Variants in CARM1 observed in about 807,000 individuals in gnomAD.
CARM1 encodes the protein histone-arginine methyltransferase CARM1.
CARM1 carries 14 observed loss-of-function variants against 72.7 expected under a neutral mutation model. The observed-to-expected ratio is 0.19, with a 90% CI of 0.13 to 0.30. CARM1 has a LOEUF of 0.30. Ranked by LOEUF, CARM1 falls within the 10% of genes least tolerant of loss-of-function variation. The pLI, the probability that CARM1 is intolerant of heterozygous loss-of-function variation, is 1.00. For synonymous variants in CARM1, 333 were observed against 345.5 expected, an observed-to-expected ratio of 0.96 and a Z score of 0.40; for missense variants, 432 against 833.7, an observed-to-expected ratio of 0.52 and a Z score of 5.93.
At position 10,904,935 on chromosome 19, in the gene CARM1, C is replaced by T. The variant is rs1020537361; in HGVS notation, c.221-16C>T. ...ACAGGGCTGCACCGCTCACGCCAGC[C>T]TGTCTTCTCTCGTAGATGAAGATGT... On this transcript the variant is annotated splice_polypyrimidine_tract_variant and intron_variant, in intron 1 of 15. Transcript: ENST00000327064. 8.1e-6 allele frequency: 13 copies of T among 1,613,508 alleles called. No homozygotes were observed. The highest frequency in any genetic ancestry group is 1.1e-5 in the Non-Finnish European group (13 of 1,179,580).
At chr19:10,891,467 A>C (rs939384208) in intron 1 of CARM1, among the ~76,000 whole-genome samples, 1 of 152,034 alleles carries the variant, frequency 6.6e-6, no homozygotes, top group Non-Finnish European at 1.5e-5. Flanking sequence ...ACACCCACTG[A>C]GGGCCGTGGG....
In CARM1 at chr19:10,875,717, C is replaced by G. The variant is rs189361890; in HGVS notation, c.220+3795C>G. ...GGGATTACAGGCTTGAGCCACCGTG[C>G]CCGGCCCCAGCTGTTCTTTTCTTAT... is the stretch of plus-strand genomic sequence containing the variant. On this transcript the variant is annotated intron_variant, in intron 1 of 15. Transcript: ENST00000327064. Among the ~76,000 whole-genome samples, 575 of 151,310 alleles carry G rather than the reference C, an allele frequency of 3.8e-3. 3 individuals carry two copies. The highest frequency in any genetic ancestry group is 0.013 in the African/African-American group (525 of 41,214).
intron 1 of CARM1, among the ~76,000 whole-genome samples, chr19:10,886,056 C>CTTT (rs899009522): frequency 7.3e-6 from 1 of 136,502 alleles, no homozygotes; most frequent in Admixed American, 7.4e-5. Flanking sequence ...TTCTTTCTTT[C>CTTT]TTTTTTTTTT....
intron 1 of CARM1, among the ~76,000 whole-genome samples, chr19:10,880,905 T>G (rs1438781254): frequency 6.7e-6 from 1 of 148,730 alleles, no homozygotes; most frequent in Middle Eastern, 3.2e-3. Context: ...GGCTCATGCC[T>G]GTAATCCCAG....
chr19:10,918,111 T>C (rs544771606), intron 8 of CARM1, among the ~76,000 whole-genome samples: 3 of 152,200 alleles, frequency 2.0e-5, no homozygotes, highest in Admixed American at 6.5e-5. Context: ...TGAGGGTGCC[T>C]TGGAAGAGGC....
intron 1 of CARM1, among the ~76,000 whole-genome samples, chr19:10,885,817 TCA>T (rs956794588): frequency 2.0e-4 from 30 of 150,666 alleles, no homozygotes; most frequent in South Asian, 4.2e-4. Context: ...TTACTCCCGC[TCA>T]CACACTCCAA....
chr19:10,876,983 G>A (rs2073869441), intron 1 of CARM1, among the ~76,000 whole-genome samples: 1 of 152,228 alleles, frequency 6.6e-6, no homozygotes, highest in Non-Finnish European at 1.5e-5. Context: ...GCTCCGTCAG[G>A]GGCTAAACTT....
intron 4 of CARM1, among the ~76,000 whole-genome samples, chr19:10,911,366 C>CACAA (rs1599705831): frequency 6.6e-6 from 1 of 152,168 alleles, no homozygotes; most frequent in African/African-American, 2.4e-5. Flanking sequence ...GTTGTCTTGA[C>CACAA]ACAAGAGTGT....
rs1184781686 is a variant in CARM1, at chr19:10,871,589, AGCGGCGGCGGCG to A, written c.-75_-64del. On this transcript the variant is annotated 5_prime_UTR_variant, in exon 1 of 16. Transcript: ENST00000327064. This position sits in a 1 kb window ranked among gnomAD's most constrained non-coding sequence, Gnocchi z 5.6. The stretch of plus-strand genomic sequence containing the variant: ...CGGCGGCTGCGGCGGCGGTAGCGGC[AGCGGCGGCGGCG>A]GCGGCGGCGGCGGCGGCGGCGGCGG... 0.019 allele frequency: 2,200 copies of A among 117,070 alleles called. 50 individuals are homozygous for A. The highest frequency in any genetic ancestry group is 0.047 in the African/African-American group (1,416 of 29,938). The allele number at this position is 117,070 out of a possible 1,614,324, so 7.3% of individuals were successfully genotyped here. A position where few individuals can be genotyped will look rare whatever the true frequency, so the allele number is the denominator to read the frequency against.
chr19:10,921,046 A>G lies in CARM1; in HGVS notation c.1538-4A>G. 2 of 1,614,052 alleles carry G rather than the reference A, an allele frequency of 1.2e-6. No homozygotes were observed. The highest frequency in any genetic ancestry group is 1.7e-6 in the Non-Finnish European group (2 of 1,179,920). On this transcript the variant is annotated splice_region_variant and splice_polypyrimidine_tract_variant and intron_variant, in intron 13 of 15. Coordinates refer to ENST00000327064, the MANE Select transcript of CARM1 (RefSeq NM_199141.2). ...AGCCCTGACGTCTCCCTCTCTGGAC[A>G]CAGGGATGCCGACCGCCTATGACTT... is the stretch of plus-strand genomic sequence containing the variant.
intron 8 of CARM1, among the ~76,000 whole-genome samples, chr19:10,918,077 T>A (rs1030117303): frequency 1.3e-5 from 2 of 152,138 alleles, no homozygotes; most frequent in African/African-American, 4.8e-5. Flanking sequence ...ATTTTGGTGG[T>A]ATTATGCAAA....
chr19:10,917,078 TAATAAA>T (rs1015952132), intron 8 of CARM1, among the ~76,000 whole-genome samples: 8 of 151,728 alleles, frequency 5.3e-5, no homozygotes, highest in Admixed American at 1.3e-4. Context: ...AATAAATAAA[TAATAAA>T]AATAAAAAAG....
chr19:10,880,062 T>G lies in CARM1; in HGVS notation c.220+8140T>G, dbSNP rs116588726. On this transcript the variant is annotated intron_variant, in intron 1 of 15. Transcript: ENST00000327064. ...GTGTGGTGTGAACTTGCTAATGACTTTGAGATGCCAAGCCTCACACACCTC... is the reference window on the plus strand; with the variant it reads ...GTGTGGTGTGAACTTGCTAATGACTGTGAGATGCCAAGCCTCACACACCTC... 6.8e-3 allele frequency among the ~76,000 whole-genome samples: 1,038 copies of G among 152,254 alleles called. 8 individuals carry two copies. The highest frequency in any genetic ancestry group is 0.024 in the African/African-American group (998 of 41,544).
intron 1 of CARM1, among the ~76,000 whole-genome samples, chr19:10,888,823 G>T (rs2073960865): frequency 6.6e-6 from 1 of 152,200 alleles, no homozygotes; most frequent in South Asian, 2.1e-4. Context: ...AGTGAAGGGG[G>T]TGCCCCGTCT....
chr19:10,912,143 C>G lies in CARM1; in HGVS notation c.559-41C>G, dbSNP rs376398499. 47 of 1,421,238 alleles carry G rather than the reference C, an allele frequency of 3.3e-5. No homozygotes were observed. The Admixed American group carries it at 3.7e-4, about 11-fold the overall frequency. The allele number at this position is 1,421,238 out of a possible 1,614,324, so 88.0% of individuals were successfully genotyped here. A position where few individuals can be genotyped will look rare whatever the true frequency, so the allele number is the denominator to read the frequency against. On this transcript the variant is annotated intron_variant, in intron 4 of 15. Coordinates refer to ENST00000327064, the MANE Select transcript of CARM1 (RefSeq NM_199141.2). This position sits in a 1 kb window ranked among gnomAD's most constrained non-coding sequence, Gnocchi z 4.5. ...ATCACTGTCACCTCCCCATCACCGT[C>G]GCCTCCTATGTCTCGCTCTCACCTC... is the stretch of plus-strand genomic sequence containing the variant.
intron 1 of CARM1, among the ~76,000 whole-genome samples, chr19:10,892,275 G>A (rs2073993778): frequency 6.6e-6 from 1 of 152,210 alleles, no homozygotes; most frequent in Non-Finnish European, 1.5e-5. Context: ...GGGATTTCTG[G>A]GCCGGAAGTT....
intron 1 of CARM1, among the ~76,000 whole-genome samples, chr19:10,891,940 G>A (rs1192930273): frequency 6.6e-6 from 1 of 152,126 alleles, no homozygotes; most frequent in African/African-American, 2.4e-5. Flanking sequence ...CTTGCTTCCC[G>A]GAGGCAGCAC....
intron 4 of CARM1, among the ~76,000 whole-genome samples, chr19:10,909,499 G>T (rs1315417392): frequency 6.6e-6 from 1 of 151,776 alleles, no homozygotes; most frequent in South Asian, 2.1e-4. Context: ...ACTTTGGGAC[G>T]CCCAGGCGGG....
rs2145233312 is a variant in CARM1 at position 10,912,576 on chromosome 19, A to G, written c.669+282A>G. The stretch of plus-strand genomic sequence containing the variant: ...ACAAAGTTCAAAACATAAAAGCTAA[A>G]AAAGAGCAGACAGCGTGCTCTCCTT... On this transcript the variant is annotated intron_variant, in intron 5 of 15. Transcript: ENST00000327064. This position sits in a 1 kb window ranked among gnomAD's most constrained non-coding sequence, Gnocchi z 4.5. Among the ~76,000 whole-genome samples the G allele has an allele frequency of 6.6e-6, 1 of 152,080 alleles. No individual in the cohort carries two copies. Among genetic ancestry groups the G allele is most frequent in the East Asian group, 1.9e-4 (1 of 5,184 alleles).
Sources: gnomAD v4.1 joint callset for allele counts (sites outside exome capture counted in the v4.1 genomes callset) on GRCh38, gnomAD v4.1.1 for gene constraint, Gnocchi (gnomAD v3.1) non-coding constraint, MANE v1.5 for transcripts, NCBI Gene and HGNC (gene_info 2026-07-23, HGNC 2026-07-21) for gene names.